The following FAIM variants were observed in gnomAD, a reference collection of about 807,000 sequenced individuals.
FAIM encodes the protein Fas apoptotic inhibitory molecule, also known as fas apoptotic inhibitory molecule 1.
A neutral mutation model predicts 21.2 loss-of-function variants in FAIM; 14 were observed. The ratio of observed to expected loss-of-function variants is 0.66; its 90% CI spans 0.44 to 1.03. The LOEUF (loss-of-function observed/expected upper bound fraction) is 1.03. FAIM is among the 50% of genes least tolerant of loss of function. The pLI, the probability that FAIM is intolerant of heterozygous loss-of-function variation, is 0.00. For missense variants in FAIM, 222 were observed against 247.1 expected (o/e 0.90, Z 0.68); for synonymous variants, 86 against 80.4 (o/e 1.07, Z -0.37).
At chr3:138,619,044 C>A (rs1053654844) in intron 1 of FAIM, among the ~76,000 whole-genome samples, 8 of 152,292 alleles carry the variant, frequency 5.3e-5, no homozygotes, top group African/African-American at 1.4e-4. Context: ...ATGAGCAAGG[C>A]ACATAACTTT....
At position 138,633,003 on chromosome 3, in the gene FAIM, G is replaced by A. The variant is rs751527198; in HGVS notation, c.530G>A (p.Ser177Asn). The change falls in exon 6 of 6, where the codon AGT becomes AAT. Residue 177 changes from serine (S) to asparagine (N), a missense_variant. Ser to Asn is a conservative substitution (Grantham distance 46). Transcript: ENST00000360570. ...GNHDCYIKAV[S>N]SGKRKEGIIH... ...CATGACTGTTACATAAAGGCTGTCAGTAGTGGGAAGCGGAAAGAAGGGATT... is the reference window on the plus strand; with the variant it reads ...CATGACTGTTACATAAAGGCTGTCAATAGTGGGAAGCGGAAAGAAGGGATT... 1.2e-5 allele frequency: 20 copies of A among 1,613,790 alleles called. No homozygotes were observed. The highest frequency in any genetic ancestry group is 1.6e-5 in the Non-Finnish European group (19 of 1,179,908).
intron 1 of FAIM, among the ~76,000 whole-genome samples, chr3:138,614,730 C>T (rs1560493620): frequency 6.6e-6 from 1 of 152,118 alleles, no homozygotes; most frequent in Non-Finnish European, 1.5e-5. Context: ...TACTTGAGCC[C>T]ACAAATTCAA....
intron 1 of FAIM, chr3:138,609,159 C>A (rs1365655439): frequency 6.6e-6 from 1 of 151,630 alleles, no homozygotes; most frequent in African/African-American, 2.4e-5. Context: ...GAGTTCCGGA[C>A]GCTTCCAGCC....
At chr3:138,609,565 T>TCCCTCTCCCTCTCTCC (rs2042738054) in intron 1 of FAIM, among the ~76,000 whole-genome samples, 1 of 94,346 alleles carries the variant, frequency 1.1e-5, no homozygotes, top group Non-Finnish European at 2.1e-5. Context: ...TCTCTCTCTC[T>TCCCTCTCCCTCTCTCC]CTCTCTCTCT....
intron 1 of FAIM, among the ~76,000 whole-genome samples, chr3:138,618,970 A>T (rs933030623): frequency 2.0e-5 from 3 of 152,184 alleles, no homozygotes; most frequent in Admixed American, 2.0e-4. Context: ...CAGCCCAGTT[A>T]CTGTTTAGTT....
chr3:138,628,277 C>G (rs2042961642), intron 4 of FAIM, among the ~76,000 whole-genome samples: 1 of 152,088 alleles, frequency 6.6e-6, no homozygotes, highest in Non-Finnish European at 1.5e-5. Flanking sequence ...TAGTAAGAAG[C>G]TGGACTAGAT....
chr3:138,614,202 G>A (rs2042801396), intron 1 of FAIM, among the ~76,000 whole-genome samples: 1 of 152,228 alleles, frequency 6.6e-6, no homozygotes, highest in South Asian at 2.1e-4. Context: ...CACTTTGGGT[G>A]GCCGAGGTGG....
At chr3:138,620,560 A>G (rs2108345130) in intron 2 of FAIM, among the ~76,000 whole-genome samples, 1 of 152,272 alleles carries the variant, frequency 6.6e-6, no homozygotes, top group African/African-American at 2.4e-5. Context: ...TGGTGGTGCA[A>G]TCATGGCTCA....
chr3:138,621,612 A>C (rs1435392532), intron 3 of FAIM, 73 bp downstream of exon 3: 8 of 1,408,514 alleles, frequency 5.7e-6, no homozygotes, highest in Non-Finnish European at 7.8e-6. Flanking sequence ...TAGCATCTTC[A>C]TATGTGAATT....
Position 138,633,083 on chromosome 3 carries a change from A to ATT in FAIM, c.*7_*8dup. On this transcript the variant is annotated 3_prime_UTR_variant, in exon 6 of 6. Coordinates refer to ENST00000360570, the MANE Select transcript of FAIM (RefSeq NM_001033031.2). ...AATCCCAGAGATTGCAAGTTAATGA[A>ATT]TTTTCATCTTAAGAAGTAAAGATCA... 1.2e-6 allele frequency: 2 copies of ATT among 1,612,160 alleles called. No individual in the cohort carries two copies. Among genetic ancestry groups the ATT allele is most frequent in the Non-Finnish European group, 1.7e-6 (2 of 1,179,046 alleles).
intron 1 of FAIM, among the ~76,000 whole-genome samples, chr3:138,609,595 T>TCTCTCTCTCGA (rs2042742724): frequency 5.6e-5 from 1 of 17,896 alleles, no homozygotes; most frequent in Admixed American, 9.6e-4. Context: ...CTCTCTCGAC[T>TCTCTCTCTCGA]CTCTCTCTCT....
intron 1 of FAIM, among the ~76,000 whole-genome samples, chr3:138,609,565 T>A (rs1234425613): frequency 1.1e-5 from 1 of 94,300 alleles, no homozygotes; most frequent in Non-Finnish European, 2.1e-5. Flanking sequence ...TCTCTCTCTC[T>A]CTCTCTCTCT....
At chr3:138,613,514 A>G (rs1220183906) in intron 1 of FAIM, among the ~76,000 whole-genome samples, 1 of 152,102 alleles carries the variant, frequency 6.6e-6, no homozygotes, top group Non-Finnish European at 1.5e-5. Flanking sequence ...GACAGGGTCT[A>G]TTCTGTTGCC....
chr3:138,616,250 T>C (rs910297318), intron 1 of FAIM, among the ~76,000 whole-genome samples: 1 of 152,246 alleles, frequency 6.6e-6, no homozygotes, highest in Non-Finnish European at 1.5e-5. Flanking sequence ...GTCACTTTAA[T>C]CCTTGCATAG....
Position 138,608,851 on chromosome 3 carries a change from G to C in FAIM, c.-103G>C, listed in dbSNP as rs965828552. The C allele has an allele frequency of 1.3e-5, 2 of 152,366 alleles. No individual in the cohort carries two copies. Among genetic ancestry groups the C allele is most frequent in the African/African-American group, 2.4e-5 (1 of 41,466 alleles). The allele number at this position is 152,366 out of a possible 1,614,324, so 9.4% of individuals were successfully genotyped here. ...GCCTGTTTCTCGGCCAGGGGAGCAA[G>C]GCCACGCGGCCTACGCAGCCGAGTC... On this transcript the variant is annotated 5_prime_UTR_variant, in exon 1 of 6. Coordinates refer to ENST00000360570, the MANE Select transcript of FAIM (RefSeq NM_001033031.2).
chr3:138,631,872 G>A (rs1459374962), intron 5 of FAIM, among the ~76,000 whole-genome samples: 7 of 152,120 alleles, frequency 4.6e-5, no homozygotes, highest in East Asian at 3.9e-4. Context: ...AAGGAGCCAC[G>A]GGCCACATCC....
chr3:138,630,381 G>A (rs1177293679), intron 5 of FAIM: 2 of 152,164 alleles, frequency 1.3e-5, no homozygotes, highest in African/African-American at 4.8e-5. Flanking sequence ...CTACTTGGGA[G>A]GCTGACGTGA....
intron 4 of FAIM, among the ~76,000 whole-genome samples, chr3:138,628,552 TCGGCTCA>T (rs1211590356): frequency 1.3e-5 from 2 of 152,032 alleles, no homozygotes; most frequent in Admixed American, 1.3e-4. Context: ...TGGTGCGGTC[TCGGCTCA>T]CTGCAAGCTC....
intron 4 of FAIM, among the ~76,000 whole-genome samples, chr3:138,628,631 C>G (rs910146900): frequency 1.3e-5 from 2 of 151,958 alleles, no homozygotes; most frequent in Non-Finnish European, 2.9e-5. Flanking sequence ...ACTACAGGCA[C>G]CCACCACCAT....
Sources: gnomAD v4.1 joint callset for allele counts (sites outside exome capture counted in the v4.1 genomes callset) on GRCh38, gnomAD v4.1.1 for gene constraint, MANE v1.5 for transcripts, NCBI Gene and HGNC (gene_info 2026-07-23, HGNC 2026-07-21) for gene names.